The following SYNC variants were observed in gnomAD, a reference collection of about 807,000 sequenced individuals.
SYNC encodes syncoilin, intermediate filament protein.
In SYNC, 38 loss-of-function variants were observed where a neutral mutation model predicts 49.5. The ratio of observed to expected loss-of-function variants is 0.77; its 90% CI spans 0.59 to 1.01. SYNC has a LOEUF of 1.01. Among genes scored for constraint, SYNC ranks in the 50% least tolerant of loss-of-function variants. The pLI is 0.00. For missense variants in SYNC, 579 were observed against 580.6 expected (o/e 1.00, Z 0.03); for synonymous variants, 201 against 230.8 (o/e 0.87, Z 1.17).
Position 32,702,470 on chromosome 1 carries a change from G to T in SYNC, c.53+138C>A, listed in dbSNP as rs1214791906. The T allele has an allele frequency of 2.1e-5, 17 of 804,658 alleles. No individual in the cohort carries two copies. The highest frequency in any genetic ancestry group is 2.7e-5 in the Non-Finnish European group (17 of 620,328). The allele number at this position is 804,658 out of a possible 1,614,324, so 49.8% of individuals were successfully genotyped here. A position where few individuals can be genotyped will look rare whatever the true frequency, so the allele number is the denominator to read the frequency against. ...CCGACTCCCCGATGTCCCCTCACGA[G>T]GCGGCTCCAGTGCCCCACCCCGGCT... On this transcript the variant is annotated intron_variant, in intron 1 of 4. Coordinates refer to ENST00000409190, the MANE Select transcript of SYNC (RefSeq NM_030786.3). This position sits in a 1 kb window ranked among gnomAD's most constrained non-coding sequence, Gnocchi z 6.2.
At chr1:32,687,861 A>ATTATTT (rs1280120903) in intron 2 of SYNC, among the ~76,000 whole-genome samples, 1 of 146,440 alleles carries the variant, frequency 6.8e-6, no homozygotes, top group African/African-American at 2.5e-5. Flanking sequence ...TATTATTATT[A>ATTATTT]TTTTTTGAGA....
At chr1:32,684,860 C>G (rs990618848) in intron 2 of SYNC, 7 of 153,436 alleles carry the variant, frequency 4.6e-5, no homozygotes, top group African/African-American at 1.7e-4. Context: ...AGTGGAAGTC[C>G]ATGTTTAGAA....
chr1:32,681,944 G>T, intron 4 of SYNC, 84 bp from the exon 5 acceptor site: 1 of 1,277,268 alleles, frequency 7.8e-7, no homozygotes. Flanking sequence ...GATTGTTACA[G>T]TGTGATTTAT....
At position 32,702,459 on chromosome 1, in the gene SYNC, T is replaced by C. The variant is rs561933904; in HGVS notation, c.53+149A>G. On this transcript the variant is annotated intron_variant, in intron 1 of 4. Coordinates refer to ENST00000409190, the MANE Select transcript of SYNC (RefSeq NM_030786.3). This position sits in a 1 kb window ranked among gnomAD's most constrained non-coding sequence, Gnocchi z 6.2. Reference sequence around the variant, plus strand: ...CCCGGGACGGCCCGACTCCCCGATGTCCCCTCACGAGGCGGCTCCAGTGCC... The same window carrying C: ...CCCGGGACGGCCCGACTCCCCGATGCCCCCTCACGAGGCGGCTCCAGTGCC... The C allele has an allele frequency of 3.4e-4, 228 of 675,740 alleles. 2 individuals are homozygous for C. The African/African-American group carries it at 3.9e-3, about 12-fold the overall frequency. 41.9% of individuals were successfully genotyped at this position (675,740 alleles called of 1,614,324 possible). A position where few individuals can be genotyped will look rare whatever the true frequency, so the allele number is the denominator to read the frequency against.
chr1:32,700,345 T>G (rs1650616642), intron 1 of SYNC, among the ~76,000 whole-genome samples: 1 of 152,206 alleles, frequency 6.6e-6, no homozygotes, highest in African/African-American at 2.4e-5. Flanking sequence ...TTGGAATGAC[T>G]TCACCGTGTT....
intron 2 of SYNC, among the ~76,000 whole-genome samples, chr1:32,689,594 A>G (rs1650059954): frequency 6.6e-6 from 1 of 152,068 alleles, no homozygotes; most frequent in African/African-American, 2.4e-5. Context: ...AGGTGATGAT[A>G]GAGGCAACGT....
At chr1:32,700,406 C>A (rs916341994) in intron 1 of SYNC, among the ~76,000 whole-genome samples, 1 of 152,264 alleles carries the variant, frequency 6.6e-6, no homozygotes, top group Non-Finnish European at 1.5e-5. Context: ...GAATCCTCAT[C>A]ATCTATTGGC....
At chr1:32,683,979 C>G in intron 4 of SYNC, 31 bp downstream of exon 4, 2 of 1,603,858 alleles carry the variant, frequency 1.2e-6, no homozygotes, top group South Asian at 2.2e-5. Flanking sequence ...AGTAACAATG[C>G]AAACACCACT....
In SYNC at chr1:32,681,791, G is replaced by A. The variant is rs1189143050; in HGVS notation, c.*59C>T. 5.6e-6 allele frequency: 9 copies of A among 1,613,912 alleles called. No homozygotes were observed. Among genetic ancestry groups the A allele is most frequent in the African/African-American group, 2.7e-5 (2 of 75,068 alleles). On this transcript the variant is annotated 3_prime_UTR_variant, in exon 5 of 5. Transcript: ENST00000409190. ...GAAGAGTACATCCAAAGGGTACTTA[G>A]TGATCCTTTGCTAAGAAGTTTTTTG...
chr1:32,689,291 G>A (rs1397144821), intron 2 of SYNC, among the ~76,000 whole-genome samples: 3 of 116,078 alleles, frequency 2.6e-5, no homozygotes, highest in Middle Eastern at 0.01. Flanking sequence ...ACCCAGGCTG[G>A]ATTGCAGTGG....
intron 2 of SYNC, among the ~76,000 whole-genome samples, chr1:32,692,507 GA>G (rs1650213558): frequency 6.6e-6 from 1 of 152,248 alleles, no homozygotes; most frequent in South Asian, 2.1e-4. Context: ...CCAACACTGG[GA>G]GGCTGAGGCC....
chr1:32,682,736 A>T (rs1227374746), intron 4 of SYNC: 1 of 147,924 alleles, frequency 6.8e-6, no homozygotes, highest in Non-Finnish European at 1.5e-5. Flanking sequence ...GTGCCACTGC[A>T]CTCCAGCCTG....
At position 32,695,437 on chromosome 1, in the gene SYNC, CAGCCAGG is replaced by C; in HGVS notation, c.654_660del (p.Ile218MetfsTer16). On this transcript the variant is annotated frameshift_variant, in exon 2 of 5. Transcript: ENST00000409190. LOFTEE classifies it high-confidence loss of function. ...TCTGCTTGGGCATGGAGCTTGTAGG[CAGCCAGG>C]ATGTCTTGATGGACTTGCTGTACCT... 6.4e-7 allele frequency: 1 copy of C among 1,551,728 alleles called. No individual in the cohort carries two copies. The highest frequency in any genetic ancestry group is 2.4e-5 in the East Asian group (1 of 40,854).
intron 2 of SYNC, among the ~76,000 whole-genome samples, chr1:32,687,476 TC>T (rs1649910871): frequency 6.6e-6 from 1 of 150,480 alleles, no homozygotes; most frequent in African/African-American, 2.4e-5. Flanking sequence ...ATCAAAACCA[TC>T]CCGGCCAACG....
chr1:32,695,065 G>A lies in SYNC; in HGVS notation c.1033C>T (p.Pro345Ser). ...SRQDLEEEYEPQFLRLLERKE... is the reference protein window; with the variant it reads ...SRQDLEEEYESQFLRLLERKE... ...CTCTCTAGGAGCCGCAGGAACTGAG[G>A]CTCATACTCCTCCTCCAGGTCCTGG... is the stretch of plus-strand genomic sequence containing the variant. The change falls in exon 2 of 5, where the codon CCT (proline) becomes TCT (serine). Residue 345 changes from proline to serine, a missense_variant. Pro to Ser is a moderately conservative substitution (Grantham distance 74, BLOSUM62 -1). Coordinates refer to ENST00000409190, the MANE Select transcript of SYNC (RefSeq NM_030786.3). 6.2e-7 allele frequency: 1 copy of A among 1,613,556 alleles called. No homozygotes were observed. The highest frequency in any genetic ancestry group is 8.5e-7 in the Non-Finnish European group (1 of 1,179,964).
chr1:32,689,521 C>T (rs1373393795), intron 2 of SYNC, among the ~76,000 whole-genome samples: 1 of 151,826 alleles, frequency 6.6e-6, no homozygotes, highest in East Asian at 1.9e-4. Context: ...ATTGCTATTG[C>T]CAGCACATAG....
intron 4 of SYNC, 49 bp from the exon 5 acceptor site, chr1:32,681,909 G>A: frequency 6.6e-7 from 1 of 1,511,166 alleles, no homozygotes; most frequent in Non-Finnish European, 9.2e-7. Context: ...CTGAGGTTTA[G>A]TTACTGCAGG....
intron 1 of SYNC, among the ~76,000 whole-genome samples, chr1:32,698,661 T>C (rs1325433438): frequency 1.3e-5 from 2 of 152,246 alleles, no homozygotes; most frequent in Non-Finnish European, 2.9e-5. Flanking sequence ...TCTGAGCTCT[T>C]TGACCCAGCT....
chr1:32,697,624 A>T (rs922918556), intron 1 of SYNC, among the ~76,000 whole-genome samples: 4 of 151,044 alleles, frequency 2.6e-5, no homozygotes, highest in Non-Finnish European at 5.9e-5. Flanking sequence ...GTAGTCCCAG[A>T]TACTTGGGAG....
Sources: allele counts gnomAD v4.1 joint callset (sites outside exome capture counted in the v4.1 genomes callset), GRCh38; gene constraint gnomAD v4.1.1; non-coding constraint Gnocchi (gnomAD v3.1); transcripts MANE v1.5; gene names NCBI Gene and HGNC (gene_info 2026-07-23, HGNC 2026-07-21).